The following GLYATL2 variants were observed in gnomAD, a reference collection of about 807,000 sequenced individuals.
GLYATL2 encodes the protein glycine-N-acyltransferase like 2, also known as glycine N-acyltransferase-like protein 2.
In GLYATL2, 25 loss-of-function variants were observed where a neutral mutation model predicts 21.4. The observed-to-expected ratio is 1.17, with a 90% CI of 0.85 to 1.63. The LOEUF (loss-of-function observed/expected upper bound fraction) is 1.63. Among genes scored for constraint, GLYATL2 ranks in the 40% most tolerant of loss-of-function variants. The probability of loss-of-function intolerance (pLI) is 0.00; values close to 1 mark genes in which losing one functional copy is unlikely to be tolerated. For missense variants in GLYATL2, 361 were observed against 343.3 expected (o/e 1.05, Z -0.41); for synonymous variants, 114 against 118.2 (o/e 0.96, Z 0.23).
intron 1 of GLYATL2, among the ~76,000 whole-genome samples, chr11:58,862,385 G>A (rs1853947870): frequency 6.6e-6 from 1 of 152,116 alleles, no homozygotes; most frequent in Non-Finnish European, 1.5e-5. Flanking sequence ...TATTTCATCA[G>A]ATAAGATTTC....
intron 1 of GLYATL2, among the ~76,000 whole-genome samples, chr11:58,870,731 C>T (rs1565099576): frequency 6.6e-6 from 1 of 152,328 alleles, no homozygotes; most frequent in African/African-American, 2.4e-5. Context: ...ACAAGTCCTA[C>T]AGAGGAAATA....
At chr11:58,870,695 T>A (rs916916885) in intron 1 of GLYATL2, among the ~76,000 whole-genome samples, 7 of 152,322 alleles carry the variant, frequency 4.6e-5, no homozygotes, top group South Asian at 2.1e-4. Flanking sequence ...AACGATTTAC[T>A]TGTTTCTGTC....
chr11:58,885,296 G>C, intron 1 of GLYATL2: 1 of 251,884 alleles, frequency 4.0e-6, no homozygotes, highest in South Asian at 5.5e-5. Context: ...GTATGGTCCT[G>C]GAGATGCTGC....
chr11:58,877,379 G>A (rs1020542031), intron 1 of GLYATL2, among the ~76,000 whole-genome samples: 2 of 152,340 alleles, frequency 1.3e-5, no homozygotes, highest in South Asian at 2.1e-4. Flanking sequence ...ACTGGGAGCT[G>A]TAGACTGGAG....
chr11:58,840,276 A>G (rs1359403793), intron 1 of GLYATL2, among the ~76,000 whole-genome samples: 1 of 152,172 alleles, frequency 6.6e-6, no homozygotes, highest in Non-Finnish European at 1.5e-5. Flanking sequence ...AAACTCTTTT[A>G]TTCAGTAATT....
At chr11:58,876,764 C>T (rs564748473) in intron 1 of GLYATL2, among the ~76,000 whole-genome samples, 43 of 152,334 alleles carry the variant, frequency 2.8e-4, no homozygotes, top group Admixed American at 7.8e-4. Flanking sequence ...GCAGTCTGCC[C>T]GTTCTCAGAT....
chr11:58,839,223 G>A (rs1565088271), intron 2 of GLYATL2, among the ~76,000 whole-genome samples: 1 of 152,090 alleles, frequency 6.6e-6, no homozygotes, highest in Non-Finnish European at 1.5e-5. Context: ...CCCTATATGT[G>A]TCATATAGAT....
chr11:58,890,105 C>G (rs1395098138), intron 1 of GLYATL2, among the ~76,000 whole-genome samples: 1 of 152,086 alleles, frequency 6.6e-6, no homozygotes, highest in African/African-American at 2.4e-5. Context: ...CCCTTTCCCT[C>G]CACCCTCTAG....
chr11:58,844,788 C>T (rs1344785755), upstream of GLYATL2: 4 of 152,140 alleles, frequency 2.6e-5, no homozygotes, highest in African/African-American at 9.7e-5. Context: ...GTCAATTTTC[C>T]ATTGTTGGCA....
chr11:58,906,119 T>C (rs540585810), upstream of GLYATL2, among the ~76,000 whole-genome samples: 80 of 152,018 alleles, frequency 5.3e-4, 1 homozygote, highest in African/African-American at 1.8e-3. Flanking sequence ...CTTTGAGTGG[T>C]TTTTCTGGTT....
intron 3 of GLYATL2, among the ~76,000 whole-genome samples, chr11:58,837,699 G>A (rs1378494042): frequency 6.6e-6 from 1 of 152,192 alleles, no homozygotes; most frequent in East Asian, 1.9e-4. Flanking sequence ...AGGTGCCTAA[G>A]GTATGGAAAG....
At chr11:58,872,252 G>T (rs1854136352) in intron 1 of GLYATL2, among the ~76,000 whole-genome samples, 1 of 152,076 alleles carries the variant, frequency 6.6e-6, no homozygotes, top group African/African-American at 2.4e-5. Context: ...CACTCTGATG[G>T]TGGTTTCTTT....
intron 1 of GLYATL2, among the ~76,000 whole-genome samples, chr11:58,843,063 G>A (rs1213106113): frequency 6.6e-6 from 1 of 152,054 alleles, no homozygotes; most frequent in Admixed American, 6.6e-5. Context: ...TTAGCTTATG[G>A]TAAAATTAAT....
chr11:58,903,471 G>A (rs368526035), intron 1 of GLYATL2, among the ~76,000 whole-genome samples: 1 of 152,038 alleles, frequency 6.6e-6, no homozygotes, highest in South Asian at 2.1e-4. Context: ...TCAGGAGTTC[G>A]ACCCCAGACT....
At chr11:58,878,891 A>G (rs497118) in intron 1 of GLYATL2, among the ~76,000 whole-genome samples, 109,140 of 152,096 alleles carry the variant, frequency 0.72, 41,323 homozygotes, top group Middle Eastern at 0.88. Context: ...AGTACATTTA[A>G]AAATGAGGGT....
In GLYATL2 at chr11:58,842,905, G is replaced by C. The variant is rs555009566; in HGVS notation, c.-41+1529C>G. Among the ~76,000 whole-genome samples the C allele has an allele frequency of 1.3e-3, 197 of 152,026 alleles. 1 individual carries two copies. Among genetic ancestry groups the C allele is most frequent in the Non-Finnish European group, 2.2e-3 (152 of 67,956 alleles). On this transcript the variant is annotated intron_variant, in intron 1 of 5. Coordinates refer to ENST00000287275, the MANE Select transcript of GLYATL2 (RefSeq NM_145016.4). ...CAAAAATTAGGTAAATAATTATCTT[G>C]TTTTTATTAATATTTATTAAATGTA...
chr11:58,887,996 G>A (rs1367939034), intron 1 of GLYATL2, among the ~76,000 whole-genome samples: 2 of 152,142 alleles, frequency 1.3e-5, no homozygotes, highest in Non-Finnish European at 2.9e-5. Context: ...AGCACTGAAT[G>A]TTGTCCCTTT....
At chr11:58,837,461 G>A (rs1473457533) in intron 3 of GLYATL2, 64 bp from the exon 4 acceptor site, 56 of 1,441,876 alleles carry the variant, frequency 3.9e-5, no homozygotes, top group Non-Finnish European at 4.8e-5. Context: ...TCTTGCATAG[G>A]TCTAGAGTGC....
rs779685706 is a variant in GLYATL2, at chr11:58,838,334, T to C, written c.113A>G (p.Asn38Ser). The change falls in exon 3 of 6, where the codon AAC becomes AGC. Residue 38 changes from asparagine (N) to serine (S), a missense_variant. By Grantham distance (46) the Asn-to-Ser change is conservative (BLOSUM62 1). Coordinates refer to ENST00000287275, the MANE Select transcript of GLYATL2 (RefSeq NM_145016.4). ...YGAIFNIKDK[N>S]PFNMEVLVDA... ...TACCAGCACCTCCATGTTGAAAGGG[T>C]TTTTATCTTTTATGTTGAAAATGGC... is the stretch of plus-strand genomic sequence containing the variant. The C allele has an allele frequency of 6.2e-5, 100 of 1,612,718 alleles. 1 individual carries two copies. Among genetic ancestry groups the C allele is most frequent in the South Asian group, 1.1e-5 (1 of 91,036 alleles).
Sources: allele counts gnomAD v4.1 joint callset (sites outside exome capture counted in the v4.1 genomes callset), GRCh38; gene constraint gnomAD v4.1.1; transcripts MANE v1.5; gene names NCBI Gene and HGNC (gene_info 2026-07-23, HGNC 2026-07-21).